NELL1: variants seen among roughly 807,000 people sequenced by gnomAD.
The protein encoded by NELL1 is protein kinase C-binding protein NELL1.
NELL1 carries 76 observed loss-of-function variants against 107.4 expected under a neutral mutation model. That is an observed-to-expected ratio of 0.71 (90% CI 0.59 to 0.86). NELL1 has a LOEUF of 0.86. Among genes scored for constraint, NELL1 ranks in the 40% least tolerant of loss-of-function variants. NELL1 has a pLI of 0.00. For synonymous variants in NELL1, 353 were observed against 341.2 expected, an observed-to-expected ratio of 1.03 and a Z score of -0.38; for missense variants, 1,024 against 1,005.5, an observed-to-expected ratio of 1.02 and a Z score of -0.25.
At position 21,229,312 on chromosome 11, in the gene NELL1, TTC is replaced by T. The variant is rs1489976534; in HGVS notation, c.1427-15_1427-14del. On this transcript the variant is annotated intron_variant, in intron 13 of 19. Transcript: ENST00000357134. The stretch of plus-strand genomic sequence containing the variant: ...AACTTAAGAAAAAGTATTTCTCTTT[TTC>T]TCTCACCCTGGAAACAGAACACGAT... 1 of 1,613,334 alleles carries T rather than the reference TTC, an allele frequency of 6.2e-7. No homozygotes were observed. Among genetic ancestry groups the T allele is most frequent in the East Asian group, 2.2e-5 (1 of 44,788 alleles).
At chr11:21,268,869 G>T (rs777414697) in intron 14 of NELL1, among the ~76,000 whole-genome samples, 2 of 152,078 alleles carry the variant, frequency 1.3e-5, no homozygotes, top group African/African-American at 4.8e-5. Context: ...TTTAAAACAG[G>T]TATGGTTAAC....
At chr11:20,693,975 T>C (rs964384675) in intron 2 of NELL1, among the ~76,000 whole-genome samples, 2 of 152,010 alleles carry the variant, frequency 1.3e-5, no homozygotes, top group African/African-American at 4.8e-5. Flanking sequence ...CTTGGAGGCT[T>C]TGTTCGTTTC....
intron 17 of NELL1, among the ~76,000 whole-genome samples, chr11:21,561,529 T>C (rs940664179): frequency 3.9e-5 from 6 of 152,102 alleles, no homozygotes; most frequent in African/African-American, 1.4e-4. Flanking sequence ...ACAATGAAAC[T>C]GAATTTCCAT....
In NELL1 at chr11:21,132,331, G is replaced by A. The variant is rs569903517; in HGVS notation, c.1426+18617G>A. On this transcript the variant is annotated intron_variant, in intron 13 of 19. Transcript: ENST00000357134. ...CAGCTGGAAACCTCTGTGGCTGACG[G>A]AGCCTCCCGTCTAAGTATTGCTCAG... Among the ~76,000 whole-genome samples, 3 of 152,302 alleles carry A rather than the reference G, an allele frequency of 2.0e-5. No individual in the cohort carries two copies. The East Asian group carries it at 5.8e-4, about 29-fold the overall frequency.
chr11:21,454,587 A>G (rs546260367), intron 15 of NELL1, among the ~76,000 whole-genome samples: 59 of 152,354 alleles, frequency 3.9e-4, no homozygotes, highest in African/African-American at 1.3e-3. Context: ...AAAAGAATAC[A>G]TCTCTTAGCT....
At chr11:21,362,871 T>A (rs1176020212) in intron 14 of NELL1, among the ~76,000 whole-genome samples, 2 of 152,050 alleles carry the variant, frequency 1.3e-5, no homozygotes, top group African/African-American at 2.4e-5. Flanking sequence ...CAGTGGAGAA[T>A]GGGGGAATGG....
intron 14 of NELL1, among the ~76,000 whole-genome samples, chr11:21,339,784 C>A (rs1850520062): frequency 2.0e-5 from 3 of 152,146 alleles, no homozygotes; most frequent in South Asian, 2.1e-4. Context: ...GGCTTTAGGG[C>A]CACCTTCATC....
At chr11:21,250,704 C>T (rs138532227) in intron 14 of NELL1, among the ~76,000 whole-genome samples, 1 of 152,270 alleles carries the variant, frequency 6.6e-6, no homozygotes, top group East Asian at 1.9e-4. Flanking sequence ...CACTCTATTC[C>T]TTGACATTGC....
intron 15 of NELL1, among the ~76,000 whole-genome samples, chr11:21,523,174 T>A (rs1034551070): frequency 2.0e-5 from 3 of 152,034 alleles, no homozygotes; most frequent in African/African-American, 4.8e-5. Context: ...GAAACCAATA[T>A]AGCTATTCTA....
chr11:21,109,830 T>C (rs910302511), intron 12 of NELL1, among the ~76,000 whole-genome samples: 9 of 152,120 alleles, frequency 5.9e-5, no homozygotes, highest in Non-Finnish European at 1.2e-4. Context: ...GTTAATTCCT[T>C]TTTTACTCCG....
intron 13 of NELL1, among the ~76,000 whole-genome samples, chr11:21,135,147 CT>C (rs1458738853): frequency 6.6e-6 from 1 of 152,186 alleles, no homozygotes; most frequent in Non-Finnish European, 1.5e-5. Flanking sequence ...GTGATATTTA[CT>C]GCTTTCTCTT....
chr11:20,807,788 C>A (rs1027191349), intron 3 of NELL1, among the ~76,000 whole-genome samples: 1 of 152,174 alleles, frequency 6.6e-6, no homozygotes, highest in Non-Finnish European at 1.5e-5. Context: ...AGTTTTCCTT[C>A]CCCTTTTCCC....
At chr11:21,548,719 G>T (rs1856502642) in intron 16 of NELL1, among the ~76,000 whole-genome samples, 1 of 151,640 alleles carries the variant, frequency 6.6e-6, no homozygotes, top group South Asian at 2.1e-4. Flanking sequence ...TACTGTGTTT[G>T]TATTCTACAG....
At chr11:21,383,124 A>G (rs1457502240) in intron 15 of NELL1, among the ~76,000 whole-genome samples, 1 of 151,966 alleles carries the variant, frequency 6.6e-6, no homozygotes, top group Non-Finnish European at 1.5e-5. Flanking sequence ...GATTTGCATC[A>G]TTTGCTCCTA....
chr11:21,084,882 C>T (rs993807600), intron 12 of NELL1, among the ~76,000 whole-genome samples: 4 of 152,134 alleles, frequency 2.6e-5, no homozygotes, highest in African/African-American at 9.7e-5. Flanking sequence ...GTTAAGCGCA[C>T]ATCCTCCAGA....
intron 14 of NELL1, among the ~76,000 whole-genome samples, chr11:21,341,275 A>G (rs568610597): frequency 1.8e-4 from 28 of 152,216 alleles, no homozygotes; most frequent in Non-Finnish European, 3.7e-4. Flanking sequence ...CAGGAAAGGG[A>G]GAGTTACACC....
chr11:21,140,386 A>G (rs1855839731), intron 13 of NELL1, among the ~76,000 whole-genome samples: 1 of 152,234 alleles, frequency 6.6e-6, no homozygotes, highest in African/African-American at 2.4e-5. Flanking sequence ...GGATGGGAAT[A>G]CAAATGTGAG....
At chr11:21,507,787 C>CTTT (rs201588738) in intron 15 of NELL1, among the ~76,000 whole-genome samples, 4 of 144,602 alleles carry the variant, frequency 2.8e-5, no homozygotes, top group East Asian at 4.0e-4. Context: ...CTTTTCTTTT[C>CTTT]TTTTTTTTTT....
At chr11:20,797,399 C>A (rs1252450513) in intron 3 of NELL1, among the ~76,000 whole-genome samples, 1 of 151,764 alleles carries the variant, frequency 6.6e-6, no homozygotes, top group Non-Finnish European at 1.5e-5. Flanking sequence ...CCAGTCTCTA[C>A]TAAAAATACA....
Sources: gnomAD v4.1 joint callset for allele counts (sites outside exome capture counted in the v4.1 genomes callset) on GRCh38, gnomAD v4.1.1 for gene constraint, MANE v1.5 for transcripts, NCBI Gene and HGNC (gene_info 2026-07-23, HGNC 2026-07-21) for gene names.